PIF1: variants seen among roughly 807,000 people sequenced by gnomAD.
The protein encoded by PIF1 is ATP-dependent DNA helicase PIF1.
Under a neutral mutation model 62.3 loss-of-function variants are expected in PIF1, and 67 were observed. That is an observed-to-expected ratio of 1.08 (90% CI 0.88 to 1.32). PIF1 has a LOEUF of 1.32. PIF1 is among the 40% of genes most tolerant of loss of function. The pLI is 0.00. For synonymous variants in PIF1, 364 were observed against 379.5 expected (o/e 0.96, Z 0.47); for missense variants, 886 against 866.1 (o/e 1.02, Z -0.29).
intron 4 of PIF1, 50 bp from the exon 5 acceptor site, chr15:64,821,570 T>A: frequency 1.9e-5 from 8 of 422,600 alleles, no homozygotes; most frequent in Non-Finnish European, 2.7e-5. Context: ...CCTCTCTTTT[T>A]TTTTTTTTTT....
chr15:64,816,864 C>T, intron 11 of PIF1, 99 bp from the exon 12 acceptor site: 4 of 1,136,476 alleles, frequency 3.5e-6, no homozygotes, highest in Non-Finnish European at 4.9e-6. Context: ...CCCTGGATCT[C>T]CTCGTCCAGT....
At chr15:64,816,429 T>C in intron 12 of PIF1, 72 bp from the exon 13 acceptor site, 3 of 1,606,990 alleles carry the variant, frequency 1.9e-6, no homozygotes, top group Non-Finnish European at 2.6e-6. Context: ...GGGGCCAGCA[T>C]CTCTTTCCTT....
At chr15:64,820,540 G>A (rs937248098) in intron 7 of PIF1, among the ~76,000 whole-genome samples, 6 of 152,232 alleles carry the variant, frequency 3.9e-5, no homozygotes, top group African/African-American at 1.4e-4. Flanking sequence ...GGGACTACAG[G>A]TGCGTGCCAC....
chr15:64,822,625 G>C lies in PIF1; in HGVS notation c.559-15C>G. The C allele has an allele frequency of 6.2e-7, 1 of 1,613,186 alleles. No individual in the cohort carries two copies. The highest frequency in any genetic ancestry group is 8.5e-7 in the Non-Finnish European group (1 of 1,179,924). On this transcript the variant is annotated splice_polypyrimidine_tract_variant and intron_variant, in intron 2 of 12. Transcript: ENST00000559239. ...CTTGGGGCTTCCTGGGGGGAACAGA[G>C]CTATCTCAGAGCATCCTCCCACCCG...
Position 64,815,763 on chromosome 15 carries a change from T to C in PIF1, c.*535A>G. ...ATGGGTGCACATTTTGCAGCTTATG[T>C]TCTTTGGTTAGGCTCTGAAGGGTGT... On this transcript the variant is annotated 3_prime_UTR_variant, in exon 13 of 13. Transcript: ENST00000559239. 1.9e-6 allele frequency: 3 copies of C among 1,550,640 alleles called. No homozygotes were observed. The highest frequency in any genetic ancestry group is 2.6e-6 in the Non-Finnish European group (3 of 1,147,012).
At chr15:64,822,053 T>A in intron 4 of PIF1, 1 of 592,408 alleles carries the variant, frequency 1.7e-6, no homozygotes, top group East Asian at 3.2e-5. Flanking sequence ...AATTTTTAAA[T>A]TTTGTGGAGA....
Position 64,823,849 on chromosome 15 carries a change from C to A in PIF1, c.487G>T (p.Ala163Ser). ...VQPEERRLRAATRVPDTTLVK... is the reference protein window; with the variant it reads ...VQPEERRLRASTRVPDTTLVK... ...AGCGTAGTGTCCGGAACCCGGGTGGCCGCCCTGAGCCGCCGCTCCTCGGGC... is the reference window on the plus strand; with the variant it reads ...AGCGTAGTGTCCGGAACCCGGGTGGACGCCCTGAGCCGCCGCTCCTCGGGC... The change falls in exon 2 of 13, where the codon GCC becomes TCC. Residue 163 changes from alanine to serine, a missense_variant. Ala to Ser is a moderately conservative substitution (Grantham distance 99). Coordinates refer to ENST00000559239, the MANE Select transcript of PIF1 (RefSeq NM_001286496.2). 7.2e-7 allele frequency: 1 copy of A among 1,379,600 alleles called. No homozygotes were observed. The highest frequency in any genetic ancestry group is 9.5e-7 in the Non-Finnish European group (1 of 1,055,732). 85.5% of individuals were successfully genotyped at this position (1,379,600 alleles called of 1,614,324 possible). A position where few individuals can be genotyped will look rare whatever the true frequency, so the allele number is the denominator to read the frequency against.
intron 9 of PIF1, chr15:64,818,623 GA>G: frequency 4.5e-6 from 2 of 448,278 alleles, no homozygotes; most frequent in East Asian, 9.0e-5. Flanking sequence ...ACAGGGCTTT[GA>G]AAATGATTGG....
At chr15:64,817,910 G>T (rs750324702) in intron 11 of PIF1, 36 bp downstream of exon 11, 4 of 1,584,240 alleles carry the variant, frequency 2.5e-6, no homozygotes, top group Non-Finnish European at 3.4e-6. Flanking sequence ...ACCTCCCTCT[G>T]CCCTCCCTGT....
intron 11 of PIF1, 43 bp downstream of exon 11, chr15:64,817,903 T>G: frequency 6.3e-7 from 1 of 1,576,082 alleles, no homozygotes; most frequent in Non-Finnish European, 8.6e-7. Context: ...ATGCCTGACC[T>G]CCCTCTGCCC....
rs934560486 is a variant in PIF1 at position 64,816,361 on chromosome 15, G to A, written c.1867-4C>T. On this transcript the variant is annotated splice_region_variant and splice_polypyrimidine_tract_variant and intron_variant, in intron 12 of 12. Transcript: ENST00000559239. Reference sequence around the variant, plus strand: ...CCTCATCATCATCTGGGGACTCCTGGATCAGAGCCAGAGAAGCCCAGTCAT... The same window carrying A: ...CCTCATCATCATCTGGGGACTCCTGAATCAGAGCCAGAGAAGCCCAGTCAT... 22 of 1,613,984 alleles carry A rather than the reference G, an allele frequency of 1.4e-5. No individual in the cohort carries two copies. The highest frequency in any genetic ancestry group is 1.8e-5 in the Non-Finnish European group (21 of 1,180,016).
chr15:64,819,968 G>C lies in PIF1; in HGVS notation c.1212C>G (p.Thr404=), dbSNP rs1205989305. Residue 404 remains threonine (T), a synonymous_variant, in exon 8 of 13, where the codon ACC becomes ACG. Coordinates refer to ENST00000559239, the MANE Select transcript of PIF1 (RefSeq NM_001286496.2). ...VRLGRCSDEV[T]RQLQATASHK... ...GGGAAGCTGTGGCCTGGAGCTGGCGGGTCACCTCATCTGAACACCTGTTGG... is the reference window on the plus strand; with the variant it reads ...GGGAAGCTGTGGCCTGGAGCTGGCGCGTCACCTCATCTGAACACCTGTTGG... 1 of 1,613,884 alleles carries C rather than the reference G, an allele frequency of 6.2e-7. No homozygotes were observed. The highest frequency in any genetic ancestry group is 1.3e-5 in the African/African-American group (1 of 74,938).
intron 8 of PIF1, 67 bp from the exon 9 acceptor site, chr15:64,819,290 A>T: frequency 9.4e-7 from 1 of 1,066,174 alleles, no homozygotes; most frequent in Non-Finnish European, 1.4e-6. Flanking sequence ...CCCAAAAAAG[A>T]CTTTTTTTAA....
At position 64,821,284 on chromosome 15, in the gene PIF1, G is replaced by A. The variant is rs756329546; in HGVS notation, c.972-3C>T. On this transcript the variant is annotated splice_region_variant and splice_polypyrimidine_tract_variant and intron_variant, in intron 5 of 12. Coordinates refer to ENST00000559239, the MANE Select transcript of PIF1 (RefSeq NM_001286496.2). The stretch of plus-strand genomic sequence containing the variant: ...GCTTGTTCTGCTGCCGGACAGCTCT[G>A]GAGAGGAGCGTGGGGTGCTTTAGGG... The A allele has an allele frequency of 1.9e-6, 3 of 1,614,048 alleles. No individual in the cohort carries two copies. Among genetic ancestry groups the A allele is most frequent in the Non-Finnish European group, 2.5e-6 (3 of 1,180,008 alleles).
At chr15:64,819,018 C>A (rs2084239534) in intron 9 of PIF1, 99 bp downstream of exon 9, 3 of 804,928 alleles carry the variant, frequency 3.7e-6, no homozygotes, top group African/African-American at 1.8e-5. Context: ...AAAGCTGGGC[C>A]CACTGGCTGC....
chr15:64,819,065 C>A, intron 9 of PIF1, 52 bp downstream of exon 9: 1 of 1,386,322 alleles, frequency 7.2e-7, no homozygotes, highest in Non-Finnish European at 9.7e-7. Context: ...ATCAGCAAGG[C>A]CCATGCGGGA....
At chr15:64,820,556 C>T (rs2141110406) in intron 7 of PIF1, among the ~76,000 whole-genome samples, 1 of 152,330 alleles carries the variant, frequency 6.6e-6, no homozygotes, top group South Asian at 2.1e-4. Context: ...GCCACCACGC[C>T]CAGCTAATTT....
chr15:64,824,177 C>G lies in PIF1; in HGVS notation c.159G>C (p.Leu53Phe). 1 of 1,334,942 alleles carries G rather than the reference C, an allele frequency of 7.5e-7. No homozygotes were observed. The highest frequency in any genetic ancestry group is 3.1e-5 in the East Asian group (1 of 32,230). 82.7% of individuals were successfully genotyped at this position (1,334,942 alleles called of 1,614,324 possible). ...LSLGRNERRELMLRLQAPGPA... is the reference protein window; with the variant it reads ...LSLGRNERREFMLRLQAPGPA... ...GCCCTGGCGCTTGCAGCCGCAGCAT[C>G]AACTCGCGGCGCTCGTTGCGACCCA... Residue 53 changes from leucine (L) to phenylalanine (F), a missense_variant, in exon 2 of 13, where the codon TTG (leucine) becomes TTC (phenylalanine). Physicochemically the swap from Leu to Phe is conservative, Grantham distance 22. Transcript: ENST00000559239.
At position 64,818,315 on chromosome 15, in the gene PIF1, A is replaced by G; in HGVS notation, c.1470T>C (p.Ser490=). 1 of 1,613,946 alleles carries G rather than the reference A, an allele frequency of 6.2e-7. No homozygotes were observed. Reference sequence around the variant, plus strand: ...CTCGGGCACCATTCACCAGGCCCCGAGACACCGATAAGTTTTTCACCAGCA... The same window carrying G: ...CTCGGGCACCATTCACCAGGCCCCGGGACACCGATAAGTTTTTCACCAGCA... The part of the protein sequence containing the change: ...QVMLVKNLSV[S]RGLVNGARGV... The change falls in exon 10 of 13, where the codon TCT becomes TCC. Residue 490 remains serine, a synonymous_variant. Transcript: ENST00000559239.
Sources: allele counts gnomAD v4.1 joint callset (sites outside exome capture counted in the v4.1 genomes callset), GRCh38; gene constraint gnomAD v4.1.1; transcripts MANE v1.5; gene names NCBI Gene and HGNC (gene_info 2026-07-23, HGNC 2026-07-21).